The following LRRTM4 variants were observed in gnomAD, a reference collection of about 807,000 sequenced individuals.
The protein encoded by LRRTM4 is leucine-rich repeat transmembrane neuronal protein 4.
LRRTM4 carries 25 observed loss-of-function variants against 47.6 expected under a neutral mutation model. The observed-to-expected ratio is 0.53, with a 90% CI of 0.38 to 0.73. LRRTM4 has a LOEUF of 0.73. Among genes scored for constraint, LRRTM4 ranks in the 30% least tolerant of loss-of-function variants. LRRTM4 has a pLI of 0.00. For synonymous variants in LRRTM4, 311 were observed against 269.5 expected (o/e 1.15, Z -1.51); for missense variants, 638 against 713.4 (o/e 0.89, Z 1.20).
intron 3 of LRRTM4, among the ~76,000 whole-genome samples, chr2:76,751,194 C>T (rs1319500660): frequency 6.6e-6 from 1 of 152,086 alleles, no homozygotes; most frequent in African/African-American, 2.4e-5. Context: ...TAGATAAATT[C>T]CCATTCTGTT....
chr2:77,352,382 T>C (rs768361649), intron 3 of LRRTM4, among the ~76,000 whole-genome samples: 1 of 152,144 alleles, frequency 6.6e-6, no homozygotes, highest in Non-Finnish European at 1.5e-5. Context: ...CTCAGTTACC[T>C]AACACACCGA....
chr2:77,292,794 A>T (rs961206295), intron 3 of LRRTM4, among the ~76,000 whole-genome samples: 1 of 151,688 alleles, frequency 6.6e-6, no homozygotes, highest in African/African-American at 2.4e-5. Flanking sequence ...ACATGTATAC[A>T]TATGTAACTA....
At chr2:76,817,267 A>C (rs774089702) in intron 3 of LRRTM4, among the ~76,000 whole-genome samples, 1 of 151,728 alleles carries the variant, frequency 6.6e-6, no homozygotes, top group Non-Finnish European at 1.5e-5. Flanking sequence ...AATATATGGC[A>C]GGAAGTGATA....
At position 76,816,819 on chromosome 2, in the gene LRRTM4, GTTTTTTTTTTTTTTTTTTTTTTTTTTT is replaced by G. The variant is rs201525166; in HGVS notation, c.1552-67930_1552-67904del. On this transcript the variant is annotated intron_variant, in intron 3 of 3. Transcript: ENST00000409884. ...CACTGCTTTTACTTAGAGGTAAAGAGTTTTTTTTTTTTTTTTTTTTTTTTTTTTTTTTTTTTTTTTTTTGGTGCTTAA... is the reference window on the plus strand; with the variant it reads ...CACTGCTTTTACTTAGAGGTAAAGAGTTTTTTTTTTTTTTTTGGTGCTTAA... Among the ~76,000 whole-genome samples the G allele has an allele frequency of 2.2e-3, 209 of 96,568 alleles. 3 individuals carry two copies. Among genetic ancestry groups the G allele is most frequent in the East Asian group, 3.6e-3 (15 of 4,174 alleles). 63.4% of individuals were successfully genotyped at this position (96,568 alleles called of 152,430 possible).
chr2:77,019,963 G>C (rs1321109387), intron 3 of LRRTM4, among the ~76,000 whole-genome samples: 1 of 151,822 alleles, frequency 6.6e-6, no homozygotes, highest in Non-Finnish European at 1.5e-5. Flanking sequence ...ATTGGAGGCT[G>C]AAAAAAATGG....
At chr2:77,092,497 A>G (rs1269162711) in intron 3 of LRRTM4, among the ~76,000 whole-genome samples, 2 of 143,482 alleles carry the variant, frequency 1.4e-5, no homozygotes, top group East Asian at 4.5e-4. Flanking sequence ...ATAACTTCTC[A>G]GTGTTCCATC....
At chr2:76,798,620 T>C (rs1675487009) in intron 3 of LRRTM4, among the ~76,000 whole-genome samples, 1 of 149,992 alleles carries the variant, frequency 6.7e-6, no homozygotes, top group East Asian at 1.9e-4. Flanking sequence ...CTGAAGGAAA[T>C]AGAGACACAA....
At chr2:77,065,903 T>C (rs1049386804) in intron 3 of LRRTM4, among the ~76,000 whole-genome samples, 6 of 152,158 alleles carry the variant, frequency 3.9e-5, no homozygotes, top group Admixed American at 6.6e-5. Flanking sequence ...AATGAGATCA[T>C]ACATGTGCAA....
At chr2:76,854,103 C>G (rs923418630) in intron 3 of LRRTM4, among the ~76,000 whole-genome samples, 1 of 152,030 alleles carries the variant, frequency 6.6e-6, no homozygotes, top group Non-Finnish European at 1.5e-5. Context: ...TTCCTGGCAA[C>G]GAATTCTTGA....
rs1286022962 is a variant in LRRTM4, at chr2:77,477,939, G to GAA, written c.1551+40377_1551+40378dup. On this transcript the variant is annotated intron_variant, in intron 3 of 3. Coordinates refer to ENST00000409884, the MANE Select transcript of LRRTM4 (RefSeq NM_001134745.3). Reference sequence around the variant, plus strand: ...AGAAAGAAAGAAAGAAAGAAAGAAAGAAAGAAAGAAAGAAAGAAAGAAAGA... The same window carrying GAA: ...AGAAAGAAAGAAAGAAAGAAAGAAAGAAAAAGAAAGAAAGAAAGAAAGAAAGA... Among the ~76,000 whole-genome samples the GAA allele has an allele frequency of 2.9e-5, 4 of 140,320 alleles. No homozygotes were observed. The East Asian group carries it at 6.5e-4, about 23-fold the overall frequency. 92.1% of individuals were successfully genotyped at this position (140,320 alleles called of 152,430 possible). A position where few individuals can be genotyped will look rare whatever the true frequency, so the allele number is the denominator to read the frequency against.
chr2:77,372,895 A>G (rs1166716940), intron 3 of LRRTM4, among the ~76,000 whole-genome samples: 1 of 151,120 alleles, frequency 6.6e-6, no homozygotes, highest in Non-Finnish European at 1.5e-5. Context: ...GTAATAGAAC[A>G]GCTGGTCAGA....
chr2:77,329,336 G>A (rs1670888957), intron 3 of LRRTM4, among the ~76,000 whole-genome samples: 1 of 152,160 alleles, frequency 6.6e-6, no homozygotes. Flanking sequence ...GCTGGGCTAG[G>A]AATCCTTCTG....
intron 3 of LRRTM4, among the ~76,000 whole-genome samples, chr2:76,852,539 ATTATC>A (rs555380328): frequency 3.2e-4 from 48 of 152,252 alleles, no homozygotes; most frequent in Middle Eastern, 3.4e-3. Flanking sequence ...GCATTTTGCT[ATTATC>A]TTATGTTATT....
intron 3 of LRRTM4, among the ~76,000 whole-genome samples, chr2:77,253,174 C>A (rs1205041851): frequency 6.6e-6 from 1 of 152,090 alleles, no homozygotes; most frequent in East Asian, 1.9e-4. Flanking sequence ...ATTAGTCCTA[C>A]CATTTTCAAA....
intron 3 of LRRTM4, among the ~76,000 whole-genome samples, chr2:77,025,285 A>G (rs1490033233): frequency 6.6e-6 from 1 of 152,190 alleles, no homozygotes; most frequent in Non-Finnish European, 1.5e-5. Context: ...TTACGACTAC[A>G]AAATCTAGAT....
chr2:77,483,497 C>T (rs1033569257), intron 3 of LRRTM4, among the ~76,000 whole-genome samples: 3 of 152,052 alleles, frequency 2.0e-5, no homozygotes, highest in African/African-American at 2.4e-5. Flanking sequence ...TGCATCACCA[C>T]GCTCAGCTAA....
At position 77,337,996 on chromosome 2, in the gene LRRTM4, A is replaced by G. The variant is rs564816957; in HGVS notation, c.1551+180322T>C. Among the ~76,000 whole-genome samples, 26 of 152,282 alleles carry G rather than the reference A, an allele frequency of 1.7e-4. No homozygotes were observed. In the East Asian group the frequency reaches 4.4e-3, roughly 26 times the overall value. On this transcript the variant is annotated intron_variant, in intron 3 of 3. Coordinates refer to ENST00000409884, the MANE Select transcript of LRRTM4 (RefSeq NM_001134745.3). Reference sequence around the variant, plus strand: ...GACAAAACTAAGCAATGGTGAAAGGAATCCCCATAGAATAAATAATGCTGG... The same window carrying G: ...GACAAAACTAAGCAATGGTGAAAGGGATCCCCATAGAATAAATAATGCTGG...
intron 3 of LRRTM4, among the ~76,000 whole-genome samples, chr2:77,161,899 T>A (rs930396205): frequency 1.3e-5 from 2 of 152,188 alleles, no homozygotes; most frequent in Non-Finnish European, 2.9e-5. Flanking sequence ...TTAAGAGTTC[T>A]TCATGGAGGC....
chr2:76,801,956 T>G (rs953854752), intron 3 of LRRTM4, among the ~76,000 whole-genome samples: 4 of 152,058 alleles, frequency 2.6e-5, no homozygotes, highest in Non-Finnish European at 5.9e-5. Flanking sequence ...AAATTAGATA[T>G]AGAAGGAATG....
Sources: gnomAD v4.1 joint callset for allele counts (sites outside exome capture counted in the v4.1 genomes callset) on GRCh38, gnomAD v4.1.1 for gene constraint, MANE v1.5 for transcripts, NCBI Gene and HGNC (gene_info 2026-07-23, HGNC 2026-07-21) for gene names.